GLCE: variants seen among roughly 807,000 people sequenced by gnomAD.
GLCE encodes the protein D-glucuronyl C5-epimerase.
GLCE carries 19 observed loss-of-function variants against 47.9 expected under a neutral mutation model. The ratio of observed to expected loss-of-function variants is 0.40; its 90% CI spans 0.28 to 0.58. GLCE has a LOEUF of 0.58. Among genes scored for constraint, GLCE ranks in the 20% least tolerant of loss-of-function variants. GLCE has a pLI of 0.48. For missense variants in GLCE, 556 were observed against 743.3 expected (o/e 0.75, Z 2.93); for synonymous variants, 245 against 263.4 (o/e 0.93, Z 0.68).
intron 2 of GLCE, among the ~76,000 whole-genome samples, chr15:69,252,729 C>T (rs1178233896): frequency 6.6e-6 from 1 of 151,732 alleles, no homozygotes; most frequent in Non-Finnish European, 1.5e-5. Context: ...GCGTAGCTGA[C>T]AGATTACTCA....
At chr15:69,199,836 C>T (rs2052050575) in intron 1 of GLCE, among the ~76,000 whole-genome samples, 1 of 152,102 alleles carries the variant, frequency 6.6e-6, no homozygotes, top group Non-Finnish European at 1.5e-5. Context: ...AAGTTTTAAA[C>T]ACGCCCCAGG....
Position 69,179,049 on chromosome 15 carries a change from G to A in GLCE, c.-105+18292G>A, listed in dbSNP as rs144026570. Among the ~76,000 whole-genome samples the A allele has an allele frequency of 6.6e-5, 10 of 152,304 alleles. No individual in the cohort carries two copies. In the East Asian group the frequency reaches 1.9e-3, roughly 29 times the overall value. ...ATATTGCTGTAAATAAGTTGTGTAT[G>A]TGTTGGTGTAAATACACATGCATAT... On this transcript the variant is annotated intron_variant, in intron 1 of 4. Coordinates refer to ENST00000261858, the MANE Select transcript of GLCE (RefSeq NM_015554.3).
intron 1 of GLCE, among the ~76,000 whole-genome samples, chr15:69,195,440 T>TTG (rs933774388): frequency 7.9e-5 from 12 of 151,676 alleles, no homozygotes; most frequent in South Asian, 2.1e-4. Context: ...TCCTTAGAGT[T>TTG]TGTGTGTGTG....
intron 2 of GLCE, among the ~76,000 whole-genome samples, chr15:69,220,012 G>C (rs114234156): frequency 6.6e-6 from 1 of 152,070 alleles, no homozygotes; most frequent in Admixed American, 6.5e-5. Flanking sequence ...TTAGTATAAT[G>C]TCCTCAAGGT....
At chr15:69,250,579 C>T (rs541878955) in intron 2 of GLCE, among the ~76,000 whole-genome samples, 5 of 151,872 alleles carry the variant, frequency 3.3e-5, no homozygotes, top group South Asian at 2.1e-4. Context: ...TCTTCACAGG[C>T]GCAATCCCAC....
intron 4 of GLCE, among the ~76,000 whole-genome samples, chr15:69,265,461 A>AAGATTGT (rs537980545): frequency 4.6e-5 from 7 of 152,274 alleles, no homozygotes; most frequent in Non-Finnish European, 1.0e-4. Context: ...AATGATTTGT[A>AAGATTGT]AGATTGTTGT....
At chr15:69,171,551 C>A (rs2051589324) in intron 1 of GLCE, among the ~76,000 whole-genome samples, 2 of 151,998 alleles carry the variant, frequency 1.3e-5, no homozygotes, top group Non-Finnish European at 2.9e-5. Flanking sequence ...CGCCTGCCAC[C>A]ATGCCCGGCC....
At chr15:69,235,583 G>A (rs1319468060) in intron 2 of GLCE, among the ~76,000 whole-genome samples, 1 of 152,076 alleles carries the variant, frequency 6.6e-6, no homozygotes, top group South Asian at 2.1e-4. Flanking sequence ...TGAGGAAACC[G>A]AAGTTTGGAA....
At chr15:69,164,311 A>T (rs1172941705) in intron 1 of GLCE, among the ~76,000 whole-genome samples, 1 of 151,988 alleles carries the variant, frequency 6.6e-6, no homozygotes, top group Non-Finnish European at 1.5e-5. Flanking sequence ...CATAAATATG[A>T]TATACTAAAG....
chr15:69,230,046 C>T (rs552019334), intron 2 of GLCE, among the ~76,000 whole-genome samples: 10 of 151,650 alleles, frequency 6.6e-5, no homozygotes, highest in Middle Eastern at 3.4e-3. Flanking sequence ...CCCATCTTTA[C>T]GAAAAATTAA....
intron 1 of GLCE, among the ~76,000 whole-genome samples, chr15:69,178,344 A>G: frequency 6.6e-6 from 1 of 152,248 alleles, no homozygotes; most frequent in Middle Eastern, 3.4e-3. Context: ...AAAAAACTTA[A>G]TATGTTGTTT....
chr15:69,190,985 C>G (rs559554711), intron 1 of GLCE, among the ~76,000 whole-genome samples: 1 of 152,002 alleles, frequency 6.6e-6, no homozygotes, highest in African/African-American at 2.4e-5. Context: ...TAACTTACAC[C>G]GTGTTCCTAC....
chr15:69,241,069 G>A (rs2052665056), intron 2 of GLCE, among the ~76,000 whole-genome samples: 1 of 152,082 alleles, frequency 6.6e-6, no homozygotes. Context: ...CATCATCGTC[G>A]TCGTCATCAT....
chr15:69,167,841 T>A lies in GLCE; in HGVS notation c.-105+7084T>A, dbSNP rs901958286. Among the ~76,000 whole-genome samples the A allele has an allele frequency of 2.5e-4, 38 of 151,016 alleles. 1 individual carries two copies. The highest frequency in any genetic ancestry group is 6.1e-4 in the African/African-American group (25 of 41,060). The stretch of plus-strand genomic sequence containing the variant: ...GGGAAAAGTTTTTTTTTTTTTTTTT[T>A]AAATCTCAGCTTTTACTAATCTTAC... On this transcript the variant is annotated intron_variant, in intron 1 of 4. Transcript: ENST00000261858.
At chr15:69,168,134 C>G (rs1048734044) in intron 1 of GLCE, among the ~76,000 whole-genome samples, 1 of 151,864 alleles carries the variant, frequency 6.6e-6, no homozygotes, top group Non-Finnish European at 1.5e-5. Context: ...TCTACTCCTA[C>G]TAAAAAAAAG....
In GLCE at chr15:69,268,433, G is replaced by C; in HGVS notation, c.1043G>C (p.Ser348Thr). ...YYGIGPRTSWSTVTRDLVTDL... is the reference protein window; with the variant it reads ...YYGIGPRTSWTTVTRDLVTDL... ...GGCATTGGGCCCAGAACTTCATGGAGCACAGTTACCAGGGACCTGGTCACT... is the reference window on the plus strand; with the variant it reads ...GGCATTGGGCCCAGAACTTCATGGACCACAGTTACCAGGGACCTGGTCACT... Residue 348 changes from serine (S) to threonine (T), a missense_variant, in exon 5 of 5, where the codon AGC becomes ACC. Around this residue, in one of 3 missense-constraint regions of GLCE, gnomAD observed 245 missense variants for 368.1 expected, o/e 0.67. Coordinates refer to ENST00000261858, the MANE Select transcript of GLCE (RefSeq NM_015554.3). 1 of 1,614,028 alleles carries C rather than the reference G, an allele frequency of 6.2e-7. No homozygotes were observed. Among genetic ancestry groups the C allele is most frequent in the South Asian group, 1.1e-5 (1 of 91,080 alleles).
Position 69,264,742 on chromosome 15 carries a change from A to G in GLCE, c.829+3413A>G, listed in dbSNP as rs144287237. Among the ~76,000 whole-genome samples the G allele has an allele frequency of 2.5e-3, 386 of 152,220 alleles. 2 individuals are homozygous for G. Among genetic ancestry groups the G allele is most frequent in the African/African-American group, 8.8e-3 (367 of 41,550 alleles). ...TATGATAGTCATCCCAACAGGTGTA[A>G]GGTGATGATATATCATTGTGGTTTT... On this transcript the variant is annotated intron_variant, in intron 4 of 4. Coordinates refer to ENST00000261858, the MANE Select transcript of GLCE (RefSeq NM_015554.3).
chr15:69,178,720 C>T (rs1011242625), intron 1 of GLCE, among the ~76,000 whole-genome samples: 7 of 152,094 alleles, frequency 4.6e-5, no homozygotes, highest in African/African-American at 1.7e-4. Flanking sequence ...GGCAGGAACA[C>T]AAATTGTGCA....
At chr15:69,163,185 CAAAG>C (rs1241939237) in intron 1 of GLCE, among the ~76,000 whole-genome samples, 3 of 151,954 alleles carry the variant, frequency 2.0e-5, no homozygotes, top group African/African-American at 7.3e-5. Flanking sequence ...GAGAGAAAGA[CAAAG>C]AACAAATTAA....
Sources: gnomAD v4.1 joint callset for allele counts (sites outside exome capture counted in the v4.1 genomes callset) on GRCh38, gnomAD v4.1.1 for gene constraint, gnomAD v4.1.1 regional missense constraint, MANE v1.5 for transcripts, NCBI Gene and HGNC (gene_info 2026-07-23, HGNC 2026-07-21) for gene names.